The following MYOF variants were observed in gnomAD, a reference collection of about 807,000 sequenced individuals.
MYOF encodes fer-1-like 3, myoferlin.
In MYOF, 244 loss-of-function variants were observed where a neutral mutation model predicts 284.2. That is an observed-to-expected ratio of 0.86 (90% CI 0.77 to 0.95). The LOEUF (loss-of-function observed/expected upper bound fraction) is 0.95. Among genes scored for constraint, MYOF ranks in the 40% least tolerant of loss-of-function variants. The pLI is 0.00. For synonymous variants in MYOF, 904 were observed against 919.7 expected, an observed-to-expected ratio of 0.98 and a Z score of 0.31; for missense variants, 2,496 against 2,560.6, an observed-to-expected ratio of 0.97 and a Z score of 0.54.
At chr10:93,380,141 C>T (rs542602503) in intron 20 of MYOF, among the ~76,000 whole-genome samples, 154 bp from the exon 21 acceptor site, 1 of 152,310 alleles carries the variant, frequency 6.6e-6, no homozygotes, top group African/African-American at 2.4e-5. Context: ...AATTAAGCAA[C>T]TGAAGACTAG....
At chr10:93,333,972 T>C in intron 41 of MYOF, 59 bp from the exon 42 acceptor site, 1 of 1,552,002 alleles carries the variant, frequency 6.4e-7, no homozygotes, top group South Asian at 1.2e-5. Flanking sequence ...AGAGGGCTCC[T>C]GGGAAGTCCC....
At chr10:93,310,299 G>T in intron 52 of MYOF, 132 bp from the exon 53 acceptor site, 1 of 1,212,386 alleles carries the variant, frequency 8.2e-7, no homozygotes, top group Non-Finnish European at 1.2e-6. Context: ...CCCCTTCGTT[G>T]ACTGAGAAAG....
intron 40 of MYOF, 119 bp from the exon 41 acceptor site, chr10:93,336,165 A>T: frequency 8.7e-7 from 1 of 1,148,344 alleles, no homozygotes; most frequent in Non-Finnish European, 1.2e-6. Flanking sequence ...GAACTCCCAA[A>T]TCGCTGGCGG....
chr10:93,366,263 T>C, intron 26 of MYOF, 129 bp downstream of exon 26: 3 of 977,084 alleles, frequency 3.1e-6, no homozygotes, highest in Admixed American at 2.6e-5. Context: ...CAAATTTCAA[T>C]GGACTTAGTT....
intron 18 of MYOF, among the ~76,000 whole-genome samples, chr10:93,388,260 C>A (rs1846496777): frequency 1.3e-5 from 2 of 152,278 alleles, no homozygotes; most frequent in Admixed American, 6.5e-5. Flanking sequence ...AGTCTCCCTT[C>A]ACCGTACTTC....
chr10:93,481,078 C>T (rs1474106082), intron 1 of MYOF, among the ~76,000 whole-genome samples: 2 of 151,780 alleles, frequency 1.3e-5, no homozygotes, highest in Non-Finnish European at 3.0e-5. Flanking sequence ...AGCCTCCACA[C>T]TGAGATTTAG....
chr10:93,395,411 C>T (rs757725559), intron 16 of MYOF, among the ~76,000 whole-genome samples: 4 of 152,180 alleles, frequency 2.6e-5, no homozygotes, highest in Non-Finnish European at 4.4e-5. Flanking sequence ...CCACTGCACT[C>T]CAGCCTGGGT....
chr10:93,475,123 C>G (rs888013901), intron 1 of MYOF, among the ~76,000 whole-genome samples: 1 of 152,074 alleles, frequency 6.6e-6, no homozygotes, highest in Non-Finnish European at 1.5e-5. Flanking sequence ...CATCCCTGGC[C>G]CCAGAGCTCA....
Position 93,306,613 on chromosome 10 carries a change from G to T in MYOF, c.*350C>A. 4.0e-6 allele frequency: 1 copy of T among 250,736 alleles called. No individual in the cohort carries two copies. Among genetic ancestry groups the T allele is most frequent in the Non-Finnish European group, 7.5e-6 (1 of 132,926 alleles). The allele number at this position is 250,736 out of a possible 1,614,324, so 15.5% of individuals were successfully genotyped here. ...GAAGTATATCACCTCAGGATGCAGA[G>T]ATTTTTGAATTCTATTTAGCAATTT... On this transcript the variant is annotated 3_prime_UTR_variant, in exon 54 of 54. Transcript: ENST00000359263.
intron 3 of MYOF, among the ~76,000 whole-genome samples, chr10:93,449,424 A>C (rs984628738): frequency 1.3e-5 from 2 of 152,192 alleles, no homozygotes; most frequent in Non-Finnish European, 2.9e-5. Flanking sequence ...GAAAGCAAAG[A>C]AGAGGAGGGC....
intron 1 of MYOF, among the ~76,000 whole-genome samples, chr10:93,458,721 C>T (rs1462768251): frequency 3.9e-5 from 6 of 152,168 alleles, no homozygotes; most frequent in Non-Finnish European, 8.8e-5. Flanking sequence ...TAGAGCGAGA[C>T]TCAGTCTCAA....
At chr10:93,383,669 A>G (rs2134011180) in intron 19 of MYOF, among the ~76,000 whole-genome samples, 1 of 152,378 alleles carries the variant, frequency 6.6e-6, no homozygotes, top group Non-Finnish European at 1.5e-5. Context: ...TCATAACTAC[A>G]TACAGCATAA....
In MYOF at chr10:93,452,253, C is replaced by A. The variant is rs1416480032; in HGVS notation, c.145-112G>T. On this transcript the variant is annotated intron_variant, in intron 2 of 53. Coordinates refer to ENST00000359263, the MANE Select transcript of MYOF (RefSeq NM_013451.4). Reference sequence around the variant, plus strand: ...GTTGGGTCATTATTTTCACCAATGACAATCTTTTGAAGTTATGCAGAAATG... The same window carrying A: ...GTTGGGTCATTATTTTCACCAATGAAAATCTTTTGAAGTTATGCAGAAATG... The A allele has an allele frequency of 4.0e-6, 3 of 757,628 alleles. No homozygotes were observed. In the East Asian group the frequency reaches 7.6e-5, roughly 19 times the overall value. The allele number at this position is 757,628 out of a possible 1,614,324, so 46.9% of individuals were successfully genotyped here.
At position 93,399,383 on chromosome 10, in the gene MYOF, T is replaced by C. The variant is rs1335420134; in HGVS notation, c.1221+9A>G. ...ACTAGCAGCATCTGCATTTAGATCATGTACAAACCTTTTTTCCAGCAAAGG... is the reference window on the plus strand; with the variant it reads ...ACTAGCAGCATCTGCATTTAGATCACGTACAAACCTTTTTTCCAGCAAAGG... On this transcript the variant is annotated intron_variant, in intron 13 of 53. Transcript: ENST00000359263. 5.0e-6 allele frequency: 8 copies of C among 1,590,252 alleles called. No individual in the cohort carries two copies. Among genetic ancestry groups the C allele is most frequent in the East Asian group, 2.2e-5 (1 of 44,776 alleles).
At chr10:93,379,424 A>G (rs1846009500) in intron 21 of MYOF, among the ~76,000 whole-genome samples, 2 of 152,202 alleles carry the variant, frequency 1.3e-5, no homozygotes, top group African/African-American at 4.8e-5. Flanking sequence ...CAGGCATAAG[A>G]CTAACATTTT....
intron 7 of MYOF, among the ~76,000 whole-genome samples, chr10:93,405,532 G>A (rs1181449993): frequency 2.6e-5 from 4 of 152,176 alleles, no homozygotes; most frequent in Non-Finnish European, 4.4e-5. Flanking sequence ...GGCCTCAAGT[G>A]ATCCTCCTGG....
At chr10:93,316,911 C>T in intron 49 of MYOF, 98 bp from the exon 50 acceptor site, 1 of 908,250 alleles carries the variant, frequency 1.1e-6, no homozygotes, top group Non-Finnish European at 1.8e-6. Flanking sequence ...TCCTTTGCAC[C>T]CCCACCCTGA....
intron 24 of MYOF, 128 bp downstream of exon 24, chr10:93,372,802 G>T: frequency 1.8e-6 from 2 of 1,139,644 alleles, no homozygotes; most frequent in South Asian, 1.5e-5. Context: ...AGAGGGACCA[G>T]GATGGGCTAG....
intron 1 of MYOF, among the ~76,000 whole-genome samples, chr10:93,459,187 CT>C (rs2056817894): frequency 6.6e-6 from 1 of 152,180 alleles, no homozygotes; most frequent in South Asian, 2.1e-4. Flanking sequence ...TGTCCAGAAA[CT>C]TCCCCTCCCA....
Sources: gnomAD v4.1 joint callset for allele counts (sites outside exome capture counted in the v4.1 genomes callset) on GRCh38, gnomAD v4.1.1 for gene constraint, MANE v1.5 for transcripts, NCBI Gene and HGNC (gene_info 2026-07-23, HGNC 2026-07-21) for gene names.